RALGAPA1: variants seen among roughly 807,000 people sequenced by gnomAD.
RALGAPA1 encodes ral GTPase-activating protein subunit alpha-1.
A neutral mutation model predicts 269.6 loss-of-function variants in RALGAPA1; 52 were observed. The ratio of observed to expected loss-of-function variants is 0.19; its 90% CI spans 0.15 to 0.24. RALGAPA1 has a LOEUF of 0.24. RALGAPA1 is among the 10% of genes least tolerant of loss of function. RALGAPA1 has a pLI of 1.00. For synonymous variants in RALGAPA1, 817 were observed against 1,008.3 expected (o/e 0.81, Z 3.60); for missense variants, 1,917 against 3,013.9 (o/e 0.64, Z 8.52).
intron 18 of RALGAPA1, among the ~76,000 whole-genome samples, chr14:35,687,376 A>G (rs1213428922): frequency 1.3e-5 from 2 of 152,212 alleles, no homozygotes; most frequent in African/African-American, 4.8e-5. Context: ...CTGCAATGAA[A>G]GGAAAATGAG....
rs764658174 is a variant in RALGAPA1, at chr14:35,659,235, A to G, written c.5329-39T>C. The G allele has an allele frequency of 2.2e-5, 31 of 1,423,658 alleles. No individual in the cohort carries two copies. In the East Asian group the frequency reaches 5.7e-4, roughly 26 times the overall value. The allele number at this position is 1,423,658 out of a possible 1,614,324, so 88.2% of individuals were successfully genotyped here. A position where few individuals can be genotyped will look rare whatever the true frequency, so the allele number is the denominator to read the frequency against. On this transcript the variant is annotated intron_variant, in intron 27 of 41. Coordinates refer to ENST00000680220, the MANE Select transcript of RALGAPA1 (RefSeq NM_001346249.2). ...GAAATAGTTAACGGCAATGACTGAG[A>G]TTTCACTCATTCATTCTACAAATAT... is the stretch of plus-strand genomic sequence containing the variant.
chr14:35,713,421 C>A (rs766477148), intron 16 of RALGAPA1, among the ~76,000 whole-genome samples: 10 of 152,176 alleles, frequency 6.6e-5, no homozygotes, highest in Non-Finnish European at 8.8e-5. Context: ...CTGGTCCTGA[C>A]TTTACATTAA....
intron 16 of RALGAPA1, chr14:35,715,558 A>G (rs778091248): frequency 5.0e-6 from 1 of 199,396 alleles, no homozygotes; most frequent in Non-Finnish European, 9.0e-6. Flanking sequence ...ACTCATTTAC[A>G]TAATTTGTTT....
intron 26 of RALGAPA1, among the ~76,000 whole-genome samples, chr14:35,665,138 T>C (rs1040643715): frequency 1.3e-5 from 2 of 152,186 alleles, no homozygotes; most frequent in Non-Finnish European, 2.9e-5. Flanking sequence ...TTAATTTCAC[T>C]AGATTATATT....
At chr14:35,594,721 GAAA>G (rs55648804) in intron 37 of RALGAPA1, among the ~76,000 whole-genome samples, 26 of 126,668 alleles carry the variant, frequency 2.1e-4, no homozygotes, top group Non-Finnish European at 3.1e-4. Flanking sequence ...CAGCAATTAT[GAAA>G]AAAAAAAAAA....
intron 37 of RALGAPA1, among the ~76,000 whole-genome samples, chr14:35,573,592 T>C (rs910805025): frequency 2.0e-5 from 3 of 152,184 alleles, no homozygotes; most frequent in Non-Finnish European, 4.4e-5. Context: ...CTCAGAAATA[T>C]GTCATTTATT....
chr14:35,579,606 CAA>C (rs11397749), intron 37 of RALGAPA1, among the ~76,000 whole-genome samples: 4 of 133,182 alleles, frequency 3.0e-5, no homozygotes, highest in Admixed American at 7.6e-5. Flanking sequence ...GACTCCGTCT[CAA>C]AAAAAAAAAA....
chr14:35,652,791 G>C (rs1425282788), intron 30 of RALGAPA1, among the ~76,000 whole-genome samples: 1 of 151,922 alleles, frequency 6.6e-6, no homozygotes, highest in African/African-American at 2.4e-5. Context: ...AAATGAAAAA[G>C]ACATTATTTA....
chr14:35,666,559 G>T (rs1397900423), intron 26 of RALGAPA1, among the ~76,000 whole-genome samples: 1 of 152,122 alleles, frequency 6.6e-6, no homozygotes, highest in Non-Finnish European at 1.5e-5. Context: ...CAGAGGAAAT[G>T]ACTTGTTTTA....
chr14:35,651,566 C>G (rs998368048), intron 31 of RALGAPA1, among the ~76,000 whole-genome samples: 1 of 152,082 alleles, frequency 6.6e-6, no homozygotes, highest in African/African-American at 2.4e-5. Context: ...TAGAGGTGGA[C>G]AGAATGTCCT....
intron 33 of RALGAPA1, among the ~76,000 whole-genome samples, chr14:35,629,285 GTGT>G (rs2061186020): frequency 2.7e-5 from 1 of 36,474 alleles, no homozygotes; most frequent in South Asian, 1.3e-3. Flanking sequence ...TTTAGGGGGT[GTGT>G]GTGTGTGTGT....
intron 41 of RALGAPA1, among the ~76,000 whole-genome samples, chr14:35,541,348 A>C (rs1034908588): frequency 2.6e-5 from 4 of 152,208 alleles, no homozygotes; most frequent in African/African-American, 9.6e-5. Flanking sequence ...CCCGGCCTTC[A>C]AAAAGTTTTT....
Position 35,635,793 on chromosome 14 carries a change from T to A in RALGAPA1, c.5677-195A>T, listed in dbSNP as rs573253417. Among the ~76,000 whole-genome samples, 14 of 152,300 alleles carry A rather than the reference T, an allele frequency of 9.2e-5. No homozygotes were observed. The South Asian group carries it at 1.9e-3, about 20-fold the overall frequency. ...CATTATTGTGGGTTTCTCTTTCATA[T>A]GTCAGGGCAAGCATAATGAAACAGT... is the stretch of plus-strand genomic sequence containing the variant. On this transcript the variant is annotated intron_variant, in intron 31 of 41. Transcript: ENST00000680220.
At chr14:35,562,468 C>A (rs749988121) in intron 39 of RALGAPA1, among the ~76,000 whole-genome samples, 1 of 152,180 alleles carries the variant, frequency 6.6e-6, no homozygotes, top group Non-Finnish European at 1.5e-5. Flanking sequence ...TGAAAACCCT[C>A]ATTAATGAAT....
chr14:35,689,690 T>G lies in RALGAPA1; in HGVS notation c.2721A>C (p.Ile907=). ...RESSLEVGDS[I]YDHLCHLIGP... The stretch of plus-strand genomic sequence containing the variant: ...CTATTAAATGACAAAGATGGTCATA[T>G]ATGCTATCACCAACTTCCAGAGAAG... Residue 907 remains isoleucine, a synonymous_variant, in exon 18 of 42, where the codon ATA becomes ATC. Coordinates refer to ENST00000680220, the MANE Select transcript of RALGAPA1 (RefSeq NM_001346249.2). 2 of 1,387,196 alleles carry G rather than the reference T, an allele frequency of 1.4e-6. No homozygotes were observed. Among genetic ancestry groups the G allele is most frequent in the South Asian group, 3.8e-5 (2 of 51,966 alleles). 85.9% of individuals were successfully genotyped at this position (1,387,196 alleles called of 1,614,324 possible).
intron 22 of RALGAPA1, chr14:35,677,609 C>G (rs764730506): frequency 1.4e-5 from 3 of 216,064 alleles, no homozygotes; most frequent in Non-Finnish European, 2.7e-5. Context: ...CTGTGAGTTA[C>G]TAGGTTCTTT....
intron 1 of RALGAPA1, among the ~76,000 whole-genome samples, chr14:35,798,429 G>A (rs2076733350): frequency 6.6e-6 from 1 of 152,084 alleles, no homozygotes; most frequent in Non-Finnish European, 1.5e-5. Context: ...CTCCTGCCTT[G>A]ATCTCCCAAA....
At chr14:35,554,330 T>C (rs189434886) in intron 39 of RALGAPA1, among the ~76,000 whole-genome samples, 6 of 145,314 alleles carry the variant, frequency 4.1e-5, no homozygotes, top group South Asian at 2.2e-4. Context: ...TTCTACTAAA[T>C]ACACTTTCTT....
chr14:35,693,513 C>T (rs573225806), intron 17 of RALGAPA1, among the ~76,000 whole-genome samples: 172 of 151,944 alleles, frequency 1.1e-3, no homozygotes, highest in African/African-American at 3.9e-3. Flanking sequence ...GGGAAACCAA[C>T]TGTGTCCTCT....
Sources: gnomAD v4.1 joint callset for allele counts (sites outside exome capture counted in the v4.1 genomes callset) on GRCh38, gnomAD v4.1.1 for gene constraint, MANE v1.5 for transcripts, NCBI Gene and HGNC (gene_info 2026-07-23, HGNC 2026-07-21) for gene names.